The following AFF3 variants were observed in gnomAD, a reference collection of about 807,000 sequenced individuals.
AFF3 encodes AF4/FMR2 family member 3.
AFF3 carries 32 observed loss-of-function variants against 129.7 expected under a neutral mutation model. The ratio of observed to expected loss-of-function variants is 0.25; its 90% confidence interval spans 0.19 to 0.33. The LOEUF (loss-of-function observed/expected upper bound fraction) is 0.33. Among genes scored for constraint, AFF3 ranks in the 10% least tolerant of loss-of-function variants. AFF3 has a pLI of 1.00. For synonymous variants in AFF3, 644 were observed against 635.4 expected (o/e 1.01, Z -0.20); for missense variants, 1,373 against 1,592.0 (o/e 0.86, Z 2.34).
chr2:99,763,421 G>A (rs973620408), intron 8 of AFF3, among the ~76,000 whole-genome samples: 2 of 152,094 alleles, frequency 1.3e-5, no homozygotes, highest in African/African-American at 4.8e-5. Context: ...AGTAGCTCAC[G>A]CCTGTAATCC....
chr2:99,729,958 A>G lies in AFF3; in HGVS notation c.1040-2830T>C, dbSNP rs186887506. ...ATGCGGAAATACAATTACAGAGAGG[A>G]AGAGGGGAAAAAATGAGCCACGGAA... On this transcript the variant is annotated intron_variant, in intron 10 of 24. Transcript: ENST00000672756. Among the ~76,000 whole-genome samples, 6 of 152,240 alleles carry G rather than the reference A, an allele frequency of 3.9e-5. No individual in the cohort carries two copies. The East Asian group carries it at 9.6e-4, about 24-fold the overall frequency.
chr2:100,066,225 T>C (rs564304366), intron 4 of AFF3, among the ~76,000 whole-genome samples: 1 of 152,330 alleles, frequency 6.6e-6, no homozygotes, highest in African/African-American at 2.4e-5. Context: ...TGAACTGTAA[T>C]TTTAACTCAT....
intron 13 of AFF3, among the ~76,000 whole-genome samples, chr2:99,604,140 A>G (rs1680105703): frequency 6.6e-6 from 1 of 152,270 alleles, no homozygotes; most frequent in African/African-American, 2.4e-5. Flanking sequence ...CCAAAGGAAT[A>G]TAGATCACTC....
chr2:99,672,700 T>TA lies in AFF3; in HGVS notation c.1092-112dup, dbSNP rs1404622023. The TA allele has an allele frequency of 7.8e-6, 8 of 1,029,502 alleles. No individual in the cohort carries two copies. In the African/African-American group the frequency reaches 1.3e-4, roughly 17 times the overall value. 63.8% of individuals were successfully genotyped at this position (1,029,502 alleles called of 1,614,324 possible). ...TGTTATTAGAGCAACATTTTGGAAA[T>TA]AAGTCTATTTGATTTCCTATTTTTT... On this transcript the variant is annotated intron_variant, in intron 11 of 24. Coordinates refer to ENST00000672756, the MANE Select transcript of AFF3 (RefSeq NM_001386135.1).
intron 8 of AFF3, among the ~76,000 whole-genome samples, chr2:99,786,546 T>C (rs1234359159): frequency 2.0e-5 from 3 of 152,210 alleles, no homozygotes; most frequent in Non-Finnish European, 4.4e-5. Flanking sequence ...AATGCAAGTA[T>C]GACAGCGCAA....
intron 4 of AFF3, among the ~76,000 whole-genome samples, chr2:100,072,553 G>A (rs576061730): frequency 1.2e-4 from 18 of 152,230 alleles, no homozygotes; most frequent in Non-Finnish European, 2.5e-4. Context: ...CTTGCTGGCC[G>A]GGCTATACCA....
At chr2:99,849,205 A>G (rs542113534) in intron 7 of AFF3, among the ~76,000 whole-genome samples, 7 of 152,200 alleles carry the variant, frequency 4.6e-5, no homozygotes, top group African/African-American at 1.7e-4. Context: ...TTAGATGGCA[A>G]TAGTAAGAGA....
intron 13 of AFF3, among the ~76,000 whole-genome samples, chr2:99,627,238 GTTTTT>G (rs892643510): frequency 6.7e-6 from 1 of 149,846 alleles, no homozygotes; most frequent in African/African-American, 2.5e-5. Context: ...GCTAACATCT[GTTTTT>G]TTTTGACTTT....
intron 7 of AFF3, among the ~76,000 whole-genome samples, chr2:99,935,509 A>G (rs1674444633): frequency 1.3e-5 from 2 of 152,210 alleles, no homozygotes; most frequent in Non-Finnish European, 2.9e-5. Flanking sequence ...TACTGAGAAG[A>G]CACATTCTCA....
At chr2:99,938,001 G>A (rs1674683663) in intron 7 of AFF3, among the ~76,000 whole-genome samples, 1 of 152,100 alleles carries the variant, frequency 6.6e-6, no homozygotes, top group African/African-American at 2.4e-5. Flanking sequence ...GATGAATGTG[G>A]ATCCTGGCTC....
At chr2:99,618,224 CTTTTTTTTTTTTT>C (rs70940180) in intron 13 of AFF3, among the ~76,000 whole-genome samples, 66 of 80,080 alleles carry the variant, frequency 8.2e-4, no homozygotes, top group Admixed American at 1.1e-3. Context: ...TCATAACATT[CTTTTTTTTTTTTT>C]TTTTTTTTTT....
chr2:99,583,098 T>G, intron 16 of AFF3, 99 bp from the exon 17 acceptor site: 4 of 1,003,888 alleles, frequency 4.0e-6, no homozygotes, highest in Non-Finnish European at 6.0e-6. Context: ...GACCTGTTGG[T>G]AGGAGAAGCT....
At chr2:100,025,183 A>G (rs948021856) in intron 4 of AFF3, among the ~76,000 whole-genome samples, 2 of 151,902 alleles carry the variant, frequency 1.3e-5, no homozygotes, top group African/African-American at 4.8e-5. Context: ...CTTCCTTCCT[A>G]ACCAACCCCT....
chr2:99,973,188 T>C (rs1678562632), intron 7 of AFF3, among the ~76,000 whole-genome samples: 1 of 152,224 alleles, frequency 6.6e-6, no homozygotes, highest in African/African-American at 2.4e-5. Context: ...AAAGTTGCTC[T>C]TCTTTTTCTT....
At chr2:99,894,967 C>G (rs79650000) in intron 7 of AFF3, among the ~76,000 whole-genome samples, 1,852 of 152,278 alleles carry the variant, frequency 0.012, 43 homozygotes, top group African/African-American at 0.042. Context: ...ACGCTATGTA[C>G]AGGTGTGGCA....
At chr2:99,963,819 A>G (rs1677468621) in intron 7 of AFF3, among the ~76,000 whole-genome samples, 1 of 152,142 alleles carries the variant, frequency 6.6e-6, no homozygotes, top group South Asian at 2.1e-4. Flanking sequence ...ACCAAATAAA[A>G]GACAGAGATT....
intron 11 of AFF3, among the ~76,000 whole-genome samples, chr2:99,717,184 A>G (rs1434601793): frequency 1.3e-5 from 2 of 152,264 alleles, no homozygotes; most frequent in Non-Finnish European, 2.9e-5. Context: ...TCAAGTAGCT[A>G]CGAATATTCT....
At chr2:99,734,199 T>G (rs1256388149) in intron 10 of AFF3, among the ~76,000 whole-genome samples, 1 of 152,186 alleles carries the variant, frequency 6.6e-6, no homozygotes, top group East Asian at 1.9e-4. Flanking sequence ...ATTAAAAGTT[T>G]TAAACTATAA....
At chr2:99,983,954 A>G (rs1576479808) in intron 7 of AFF3, among the ~76,000 whole-genome samples, 1 of 152,132 alleles carries the variant, frequency 6.6e-6, no homozygotes, top group South Asian at 2.1e-4. Context: ...CTGGTTTTCA[A>G]GCATGAGAAA....
Sources: allele counts gnomAD v4.1 joint callset (sites outside exome capture counted in the v4.1 genomes callset), GRCh38; gene constraint gnomAD v4.1.1; transcripts MANE v1.5; gene names NCBI Gene and HGNC (gene_info 2026-07-23, HGNC 2026-07-21).